Variants in CLSTN2 observed in about 807,000 individuals in gnomAD.
CLSTN2 encodes the protein calsyntenin 2, also known as calsyntenin-2.
A neutral mutation model predicts 101.2 loss-of-function variants in CLSTN2; 48 were observed. The observed-to-expected ratio is 0.47, with a 90% CI of 0.38 to 0.60. The LOEUF (loss-of-function observed/expected upper bound fraction) is 0.60. CLSTN2 is among the 20% of genes least tolerant of loss of function. The pLI, the probability that CLSTN2 is intolerant of heterozygous loss-of-function variation, is 0.00. For missense variants in CLSTN2, 1,160 were observed against 1,238.2 expected (o/e 0.94, Z 0.95); for synonymous variants, 481 against 463.6 (o/e 1.04, Z -0.48).
At chr3:140,492,932 G>A (rs1476940544) in intron 8 of CLSTN2, among the ~76,000 whole-genome samples, 1 of 152,180 alleles carries the variant, frequency 6.6e-6, no homozygotes, top group Non-Finnish European at 1.5e-5. Flanking sequence ...ATATTCCACA[G>A]AAGAGTCTGA....
intron 1 of CLSTN2, among the ~76,000 whole-genome samples, chr3:140,012,097 C>T (rs1339619596): frequency 2.0e-5 from 3 of 151,984 alleles, no homozygotes; most frequent in Non-Finnish European, 2.9e-5. Context: ...GGAAGATGGA[C>T]GGGAGGGTGC....
At chr3:140,362,276 A>G (rs1372564111) in intron 2 of CLSTN2, among the ~76,000 whole-genome samples, 1 of 152,214 alleles carries the variant, frequency 6.6e-6, no homozygotes, top group African/African-American at 2.4e-5. Context: ...TGGTGAATTT[A>G]GACCCTTACC....
At chr3:140,508,317 C>T (rs1245109497) in intron 8 of CLSTN2, 1 of 152,338 alleles carries the variant, frequency 6.6e-6, no homozygotes. Context: ...CTCCCAGTTT[C>T]CAAGCTGGAC....
intron 4 of CLSTN2, among the ~76,000 whole-genome samples, chr3:140,412,204 G>A (rs919066782): frequency 1.3e-5 from 2 of 152,132 alleles, no homozygotes; most frequent in African/African-American, 4.8e-5. Context: ...TAGTGGAGAT[G>A]GGGTTTCTCC....
chr3:140,496,446 T>A (rs1934468484), intron 8 of CLSTN2, among the ~76,000 whole-genome samples: 1 of 152,206 alleles, frequency 6.6e-6, no homozygotes, highest in South Asian at 2.1e-4. Flanking sequence ...TCTATTTGAA[T>A]ACGTTTCATT....
At chr3:140,121,094 C>G (rs2009332678) in intron 1 of CLSTN2, among the ~76,000 whole-genome samples, 1 of 152,110 alleles carries the variant, frequency 6.6e-6, no homozygotes, top group Non-Finnish European at 1.5e-5. Flanking sequence ...GTGAGGGAAA[C>G]CACAAGAAGT....
intron 2 of CLSTN2, among the ~76,000 whole-genome samples, chr3:140,372,515 C>T (rs1177428645): frequency 6.6e-6 from 1 of 152,072 alleles, no homozygotes; most frequent in Non-Finnish European, 1.5e-5. Context: ...TAACATTAGG[C>T]GATGTGGTGT....
chr3:139,971,545 C>T (rs1935704081), intron 1 of CLSTN2, among the ~76,000 whole-genome samples: 1 of 152,130 alleles, frequency 6.6e-6, no homozygotes, highest in African/African-American at 2.4e-5. Flanking sequence ...GGAGGTATGG[C>T]CTGAGACAGG....
intron 8 of CLSTN2, among the ~76,000 whole-genome samples, chr3:140,476,520 G>A (rs1490372297): frequency 6.6e-6 from 1 of 152,100 alleles, no homozygotes; most frequent in Admixed American, 6.5e-5. Context: ...TCTTAACTTG[G>A]GTGAATGTAC....
intron 1 of CLSTN2, among the ~76,000 whole-genome samples, chr3:140,101,950 G>T (rs2008973246): frequency 6.6e-6 from 1 of 152,166 alleles, no homozygotes; most frequent in Non-Finnish European, 1.5e-5. Context: ...AGGGATGTTT[G>T]GGGAACATGA....
intron 1 of CLSTN2, among the ~76,000 whole-genome samples, chr3:139,955,112 C>CTATA (rs58418059): frequency 0.034 from 2,437 of 71,504 alleles, 194 homozygotes; most frequent in Middle Eastern, 0.064. Flanking sequence ...GGCAATATTG[C>CTATA]TATATATATA....
At chr3:140,376,796 A>G (rs191396223) in intron 2 of CLSTN2, among the ~76,000 whole-genome samples, 1 of 152,294 alleles carries the variant, frequency 6.6e-6, no homozygotes, top group Non-Finnish European at 1.5e-5. Flanking sequence ...TCTTGGAAGG[A>G]AGAATAAGGA....
At chr3:139,969,232 T>G (rs1935652903) in intron 1 of CLSTN2, among the ~76,000 whole-genome samples, 1 of 152,172 alleles carries the variant, frequency 6.6e-6, no homozygotes, top group African/African-American at 2.4e-5. Context: ...CTACCAAAAG[T>G]AAAGCCTCCC....
intron 1 of CLSTN2, among the ~76,000 whole-genome samples, chr3:139,954,974 CTT>C (rs1172168721): frequency 1.3e-5 from 2 of 151,462 alleles, no homozygotes; most frequent in Non-Finnish European, 2.9e-5. Context: ...GATTTAGTAT[CTT>C]TTACTTTTTT....
chr3:140,087,160 G>T (rs551376786), intron 1 of CLSTN2, among the ~76,000 whole-genome samples: 2 of 152,244 alleles, frequency 1.3e-5, no homozygotes, highest in East Asian at 3.9e-4. Context: ...TACAGGCTCA[G>T]AAACCGGTGT....
chr3:140,291,727 C>G (rs1254159151), intron 2 of CLSTN2, among the ~76,000 whole-genome samples: 2 of 151,108 alleles, frequency 1.3e-5, no homozygotes, highest in African/African-American at 4.9e-5. Context: ...CACTTTAATC[C>G]AATGCCAAAA....
intron 2 of CLSTN2, among the ~76,000 whole-genome samples, chr3:140,350,961 T>G (rs543287681): frequency 6.6e-6 from 1 of 152,186 alleles, no homozygotes; most frequent in South Asian, 2.1e-4. Context: ...GATTTATTCC[T>G]TGTTTGCTCA....
chr3:140,182,979 T>C (rs1397685128), intron 2 of CLSTN2, among the ~76,000 whole-genome samples: 1 of 151,686 alleles, frequency 6.6e-6, no homozygotes, highest in African/African-American at 2.4e-5. Context: ...AGAGCCAGAG[T>C]ACAGAGGAAG....
chr3:140,381,596 A>G (rs1392731398), intron 2 of CLSTN2, among the ~76,000 whole-genome samples: 1 of 152,118 alleles, frequency 6.6e-6, no homozygotes, highest in Non-Finnish European at 1.5e-5. Context: ...TCATTGTTCC[A>G]CTTACTGGCC....
Sources: allele counts gnomAD v4.1 joint callset (sites outside exome capture counted in the v4.1 genomes callset), GRCh38; gene constraint gnomAD v4.1.1; transcripts MANE v1.5; gene names NCBI Gene and HGNC (gene_info 2026-07-23, HGNC 2026-07-21).